The following PRSS55 variants were observed in gnomAD, a reference collection of about 807,000 sequenced individuals.
PRSS55 encodes serine protease 55.
Under a neutral mutation model 23.6 loss-of-function variants are expected in PRSS55, and 41 were observed. The observed-to-expected ratio is 1.74, with a 90% CI of 1.35 to 2.26. The LOEUF is 2.26. Ranked by LOEUF, PRSS55 falls within the 30% of genes most tolerant of loss-of-function variation. The pLI is 0.00. For synonymous variants in PRSS55, 262 were observed against 175.5 expected, an observed-to-expected ratio of 1.49 and a Z score of -3.90; for missense variants, 669 against 439.1, an observed-to-expected ratio of 1.52 and a Z score of -4.68.
intron 4 of PRSS55, among the ~76,000 whole-genome samples, chr8:10,533,358 G>A (rs193074793): frequency 1.3e-5 from 2 of 152,174 alleles, no homozygotes; most frequent in African/African-American, 4.8e-5. Flanking sequence ...GGAGGATTTG[G>A]TATCTATATA....
downstream of PRSS55, among the ~76,000 whole-genome samples, chr8:10,543,744 T>C (rs1386243338): frequency 6.6e-6 from 1 of 151,994 alleles, no homozygotes; most frequent in Non-Finnish European, 1.5e-5. Context: ...TTCACTCTCA[T>C]TGACCTTAAA....
chr8:10,531,537 C>G lies in PRSS55; in HGVS notation c.590C>G (p.Thr197Ser), dbSNP rs1293375667. 6.2e-7 allele frequency: 1 copy of G among 1,613,568 alleles called. No homozygotes were observed. Among genetic ancestry groups the G allele is most frequent in the Middle Eastern group, 1.7e-4 (1 of 6,038 alleles). The change falls in exon 3 of 5, where the codon ACC becomes AGC. Residue 197 changes from threonine (T) to serine (S), a missense_variant. Thr to Ser is a moderately conservative substitution (Grantham distance 58, BLOSUM62 1). Transcript: ENST00000328655. ...TGCTGGGTGGCAGGTTGGGGCCAGACCAATGCTGGTATGTGACTGCTCAGC... is the reference window on the plus strand; with the variant it reads ...TGCTGGGTGGCAGGTTGGGGCCAGAGCAATGCTGGTATGTGACTGCTCAGC... The part of the protein sequence containing the change: ...RECWVAGWGQ[T>S]NAADKNSVKT...
intron 4 of PRSS55, among the ~76,000 whole-genome samples, chr8:10,545,881 T>C (rs565144107): frequency 6.6e-6 from 1 of 152,248 alleles, no homozygotes; most frequent in Admixed American, 6.5e-5. Flanking sequence ...ACCGGCCCAG[T>C]AAGAGGCATC....
At chr8:10,551,015 T>A (rs547638175) in intron 4 of PRSS55, among the ~76,000 whole-genome samples, 1 of 152,306 alleles carries the variant, frequency 6.6e-6, no homozygotes, top group East Asian at 1.9e-4. Context: ...CATTTTGAAA[T>A]CCCCTGTTGC....
intron 1 of PRSS55, among the ~76,000 whole-genome samples, chr8:10,528,135 G>A (rs561435834): frequency 3.9e-4 from 59 of 150,808 alleles, no homozygotes; most frequent in Non-Finnish European, 7.2e-4. Flanking sequence ...GGAGGCAGAG[G>A]TTGCAGTGAG....
intron 1 of PRSS55, chr8:10,529,288 T>C (rs1031169752): frequency 5.0e-6 from 3 of 596,522 alleles, no homozygotes; most frequent in Non-Finnish European, 9.0e-6. Flanking sequence ...CCAATGCTTC[T>C]GACTCTATCT....
At chr8:10,552,398 C>T (rs141674019) in intron 4 of PRSS55, among the ~76,000 whole-genome samples, 2 of 152,286 alleles carry the variant, frequency 1.3e-5, no homozygotes, top group African/African-American at 4.8e-5. Context: ...AAAGCACAGA[C>T]AGCAAAAGCA....
chr8:10,539,970 T>C (rs554873934), downstream of PRSS55, among the ~76,000 whole-genome samples: 1 of 152,282 alleles, frequency 6.6e-6, no homozygotes, highest in Non-Finnish European at 1.5e-5. Flanking sequence ...TCTCAAGCTG[T>C]CACCAGTTCT....
intron 3 of PRSS55, chr8:10,531,769 G>C: frequency 1.7e-6 from 1 of 588,486 alleles, no homozygotes; most frequent in Middle Eastern, 4.6e-4. Flanking sequence ...CTAGCACAGA[G>C]CAGTGTGGTT....
chr8:10,553,928 AT>A (rs35201635), intron 4 of PRSS55: 418,020 of 1,416,684 alleles, frequency 0.3, 58,179 homozygotes, highest in Middle Eastern at 0.33. Context: ...TGTCAATTTA[AT>A]TTTTTTTTTA....
chr8:10,551,634 G>T (rs1349734422), intron 4 of PRSS55, among the ~76,000 whole-genome samples: 2 of 152,240 alleles, frequency 1.3e-5, no homozygotes, highest in African/African-American at 4.8e-5. Flanking sequence ...CCCTGGCAAC[G>T]CTGACCGATG....
chr8:10,525,837 G>A (rs1812002698), intron 1 of PRSS55, 98 bp downstream of exon 1: 9 of 1,309,742 alleles, frequency 6.9e-6, no homozygotes, highest in Non-Finnish European at 9.3e-6. Flanking sequence ...AGAGCTCCAG[G>A]GCTCCCCACA....
At position 10,550,819 on chromosome 8, in the gene PRSS55, C is replaced by T. The variant is rs560643841; in HGVS notation, c.742-3124C>T. ...GACATGGCAGGTGTGTGTGTGCATG[C>T]GTGTGTGTGCACGTGTGTGTGCGTG... On this transcript the variant is annotated intron_variant, in intron 4 of 4. Transcript: ENST00000522210. 5.3e-5 allele frequency among the ~76,000 whole-genome samples: 8 copies of T among 152,302 alleles called. No individual in the cohort carries two copies. In the South Asian group the frequency reaches 1.0e-3, roughly 20 times the overall value.
At chr8:10,545,294 C>T (rs1051419196) in intron 4 of PRSS55, 1 of 151,656 alleles carries the variant, frequency 6.6e-6, no homozygotes, top group Admixed American at 6.6e-5. Context: ...ACCTCCCAGG[C>T]TCAAGTGATC....
chr8:10,531,707 C>T, intron 3 of PRSS55, 162 bp downstream of exon 3: 1 of 974,488 alleles, frequency 1.0e-6, no homozygotes, highest in African/African-American at 1.6e-5. Context: ...GTGCCGAAAC[C>T]CCAAGGTGAG....
At chr8:10,532,140 G>A (rs912796502) in intron 3 of PRSS55, among the ~76,000 whole-genome samples, 12 of 152,178 alleles carry the variant, frequency 7.9e-5, no homozygotes, top group Non-Finnish European at 1.3e-4. Flanking sequence ...TCAGCCTGAA[G>A]GAGGCTCTCG....
chr8:10,550,043 C>G (rs1419468446), intron 4 of PRSS55, among the ~76,000 whole-genome samples: 2 of 152,176 alleles, frequency 1.3e-5, no homozygotes, highest in Non-Finnish European at 2.9e-5. Context: ...CCTCAGCCTC[C>G]CAAGTAGCTG....
chr8:10,552,205 G>A (rs534023504), intron 4 of PRSS55, among the ~76,000 whole-genome samples: 26 of 152,322 alleles, frequency 1.7e-4, no homozygotes, highest in Non-Finnish European at 2.5e-4. Context: ...CAGAGAGCCC[G>A]TTTCTAACTT....
At chr8:10,535,359 C>T (rs1028228955) in intron 4 of PRSS55, among the ~76,000 whole-genome samples, 14 of 152,174 alleles carry the variant, frequency 9.2e-5, no homozygotes, top group Non-Finnish European at 1.9e-4. Flanking sequence ...GGTGCTGATA[C>T]AAAAACTGAC....
Sources: allele counts gnomAD v4.1 joint callset (sites outside exome capture counted in the v4.1 genomes callset), GRCh38; gene constraint gnomAD v4.1.1; transcripts MANE v1.5; gene names NCBI Gene and HGNC (gene_info 2026-07-23, HGNC 2026-07-21).